Variants in RNF38 observed in about 807,000 individuals in gnomAD.
RNF38 encodes the protein ring finger protein 38, also known as E3 ubiquitin-protein ligase RNF38.
In RNF38, 15 loss-of-function variants were observed where a neutral mutation model predicts 67.2. That is an observed-to-expected ratio of 0.22 (90% CI 0.15 to 0.34). RNF38 has a LOEUF of 0.34. Ranked by LOEUF, RNF38 falls within the 10% of genes least tolerant of loss-of-function variation. The pLI is 1.00. For missense variants in RNF38, 524 were observed against 639.9 expected (o/e 0.82, Z 1.95); for synonymous variants, 220 against 218.8 (o/e 1.01, Z -0.05).
At chr9:36,416,560 C>G (rs999084805) in intron 2 of RNF38, among the ~76,000 whole-genome samples, 1 of 151,980 alleles carries the variant, frequency 6.6e-6, no homozygotes, top group South Asian at 2.1e-4. Flanking sequence ...AAATATTGCC[C>G]AGGAAAATTT....
At position 36,412,970 on chromosome 9, in the gene RNF38, G is replaced by A. The variant is rs147165023; in HGVS notation, n.312+11643C>T. Among the ~76,000 whole-genome samples, 940 of 152,222 alleles carry A rather than the reference G, an allele frequency of 6.2e-3. 15 individuals carry two copies. The highest frequency in any genetic ancestry group is 0.021 in the African/African-American group (889 of 41,538). On this transcript the variant is annotated intron_variant and non_coding_transcript_variant, in intron 2 of 3. Coordinates refer to the RNF38 transcript ENST00000488058. ...GCCTATAGTCCCAGCTACTCAGGAG[G>A]CTGAAGCAGGAGAATCGCTTGAACC...
chr9:36,405,691 T>G (rs1340824531), upstream of RNF38, among the ~76,000 whole-genome samples: 1 of 152,178 alleles, frequency 6.6e-6, no homozygotes, highest in African/African-American at 2.4e-5. Flanking sequence ...GATGTCCTGT[T>G]TTTTCTTTAT....
chr9:36,361,356 G>C lies in RNF38; in HGVS notation c.571-3414C>G, dbSNP rs189220472. Among the ~76,000 whole-genome samples the C allele has an allele frequency of 5.8e-4, 88 of 150,592 alleles. 2 individuals are homozygous for C. The highest frequency in any genetic ancestry group is 2.1e-3 in the African/African-American group (85 of 40,428). ...TTTTTGTATTTTTTAGTAGAGACAG[G>C]GTTTCACCGTGTTAGCCAGGATGGT... is the stretch of plus-strand genomic sequence containing the variant. On this transcript the variant is annotated intron_variant, in intron 4 of 11. Coordinates refer to ENST00000259605, the MANE Select transcript of RNF38 (RefSeq NM_022781.5).
intron 2 of RNF38, among the ~76,000 whole-genome samples, chr9:36,389,372 G>A (rs1443933926): frequency 6.7e-6 from 1 of 149,980 alleles, no homozygotes; most frequent in Non-Finnish European, 1.5e-5. Flanking sequence ...CCTTTTTATT[G>A]GTGGCAGTAT....
intron 4 of RNF38, among the ~76,000 whole-genome samples, chr9:36,367,803 A>G (rs192783830): frequency 1.1e-3 from 174 of 152,288 alleles, no homozygotes; most frequent in African/African-American, 4.1e-3. Context: ...TATGATCTAG[A>G]ATAGTTTAAA....
chr9:36,436,514 C>A, intron 1 of RNF38, among the ~76,000 whole-genome samples: 1 of 152,146 alleles, frequency 6.6e-6, no homozygotes, highest in Non-Finnish European at 1.5e-5. Flanking sequence ...AACTTACAGA[C>A]GCAATAGTAA....
chr9:36,411,455 T>C (rs1479586449), intron 2 of RNF38, among the ~76,000 whole-genome samples: 2 of 152,224 alleles, frequency 1.3e-5, no homozygotes, highest in South Asian at 2.1e-4. Flanking sequence ...GTTGAAGAGA[T>C]ACTTGTCCAC....
At chr9:36,429,057 G>A (rs1838860641) in intron 1 of RNF38, among the ~76,000 whole-genome samples, 1 of 152,092 alleles carries the variant, frequency 6.6e-6, no homozygotes, top group Non-Finnish European at 1.5e-5. Flanking sequence ...ATAACACAAG[G>A]TCCCTGCTCT....
At chr9:36,400,928 C>G (rs1837984973), upstream of RNF38, 1 of 984,836 alleles carries the variant, frequency 1.0e-6, no homozygotes, top group African/African-American at 1.8e-5. Flanking sequence ...CGCCGCACCC[C>G]GCCTCACCCC....
At chr9:36,483,213 C>T (rs1434978694) in intron 1 of RNF38, among the ~76,000 whole-genome samples, 2 of 152,052 alleles carry the variant, frequency 1.3e-5, no homozygotes, top group East Asian at 3.9e-4. Flanking sequence ...TGGTGAAACC[C>T]CGTCTCTACT....
intron 1 of RNF38, among the ~76,000 whole-genome samples, chr9:36,457,036 C>G (rs575830351): frequency 1.3e-5 from 2 of 152,072 alleles, no homozygotes; most frequent in Non-Finnish European, 2.9e-5. Context: ...CCACATCCTA[C>G]AAGATTATCA....
chr9:36,447,981 C>CAATT (rs1839347909), intron 1 of RNF38, among the ~76,000 whole-genome samples: 2 of 152,238 alleles, frequency 1.3e-5, no homozygotes. Flanking sequence ...TAACAGAGGG[C>CAATT]AATTCATCAC....
At position 36,480,048 on chromosome 9, in the gene RNF38, G is replaced by A. The variant is rs548439686; in HGVS notation, n.241+7260C>T. On this transcript the variant is annotated intron_variant and non_coding_transcript_variant, in intron 1 of 3. Transcript: ENST00000488058. ...GGCTGGAGTGCAGTGGCGTGATTTC[G>A]GCTTACTGCAAGCTACACCTCCCAG... 7.2e-4 allele frequency among the ~76,000 whole-genome samples: 110 copies of A among 151,798 alleles called. 2 individuals are homozygous for A. Among genetic ancestry groups the A allele is most frequent in the Admixed American group, 3.0e-3 (45 of 15,230 alleles).
At chr9:36,432,780 A>C (rs1838962418) in intron 1 of RNF38, among the ~76,000 whole-genome samples, 1 of 152,194 alleles carries the variant, frequency 6.6e-6, no homozygotes, top group Admixed American at 6.5e-5. Context: ...TCAAAAAACA[A>C]ACAACAACAA....
At position 36,355,274 on chromosome 9, in the gene RNF38, C is replaced by T. The variant is rs369610792; in HGVS notation, c.909+1029G>A. The stretch of plus-strand genomic sequence containing the variant: ...CAGAGCTGAAATCTTCCACTTTAGC[C>T]ACTTCTATAGGTTATCTCTCCTGTT... On this transcript the variant is annotated intron_variant, in intron 6 of 11. Coordinates refer to ENST00000259605, the MANE Select transcript of RNF38 (RefSeq NM_022781.5). Among the ~76,000 whole-genome samples, 12 of 152,288 alleles carry T rather than the reference C, an allele frequency of 7.9e-5. No homozygotes were observed. In the South Asian group the frequency reaches 2.3e-3, roughly 29 times the overall value.
rs534324115 is a variant in RNF38 at position 36,343,990 on chromosome 9, A to C, written c.1385+842T>G. Among the ~76,000 whole-genome samples, 19 of 150,776 alleles carry C rather than the reference A, an allele frequency of 1.3e-4. No homozygotes were observed. The South Asian group carries it at 2.5e-3, about 20-fold the overall frequency. ...TAGTTACACAGCTCTATGAATATAC[A>C]AAAAACCACTGAATTGTACTTTTTA... On this transcript the variant is annotated intron_variant, in intron 10 of 11. Transcript: ENST00000259605.
upstream of RNF38, among the ~76,000 whole-genome samples, chr9:36,401,910 T>C (rs1233256037): frequency 6.6e-6 from 1 of 152,210 alleles, no homozygotes; most frequent in Non-Finnish European, 1.5e-5. Context: ...CAGTCTCTCT[T>C]TCCCTCTCTG....
chr9:36,439,634 G>A (rs143408729), intron 1 of RNF38, among the ~76,000 whole-genome samples: 287 of 151,744 alleles, frequency 1.9e-3, no homozygotes, highest in African/African-American at 6.6e-3. Context: ...GCAAAACCCC[G>A]TCTCTACTAA....
At chr9:36,358,227 T>C (rs1356549805) in intron 4 of RNF38, among the ~76,000 whole-genome samples, 2 of 152,218 alleles carry the variant, frequency 1.3e-5, no homozygotes, top group African/African-American at 4.8e-5. Context: ...TAGCCTGTCC[T>C]ATAAAGGCAG....
Sources: allele counts gnomAD v4.1 joint callset (sites outside exome capture counted in the v4.1 genomes callset), GRCh38; gene constraint gnomAD v4.1.1; transcripts MANE v1.5; gene names NCBI Gene and HGNC (gene_info 2026-07-23, HGNC 2026-07-21).